The following FAM83G variants were observed in gnomAD, a reference collection of about 807,000 sequenced individuals.
The protein encoded by FAM83G is scaffolding CK1 anchoring protein G.
FAM83G carries 38 observed loss-of-function variants against 61.5 expected under a neutral mutation model. That is an observed-to-expected ratio of 0.62 (90% confidence interval 0.48 to 0.81). The LOEUF is 0.81. FAM83G is among the 30% of genes least tolerant of loss of function. The pLI is 0.00. For missense variants in FAM83G, 989 were observed against 1,133.6 expected, an observed-to-expected ratio of 0.87 and a Z score of 1.83; for synonymous variants, 470 against 476.1, an observed-to-expected ratio of 0.99 and a Z score of 0.17.
At position 18,976,882 on chromosome 17, in the gene FAM83G, G is replaced by A. The variant is rs755766055; in HGVS notation, c.2082+702C>T. The A allele has an allele frequency of 5.6e-6, 9 of 1,613,444 alleles. No homozygotes were observed. The highest frequency in any genetic ancestry group is 2.2e-5 in the East Asian group (1 of 44,876). ...ATCGTGCAGCGATCACTGTCAGCCC[G>A]GGACCTGAACCATGCCAAGGCGGGC... On this transcript the variant is annotated intron_variant, in intron 5 of 5. Transcript: ENST00000388995.
chr17:18,971,474 G>A lies in FAM83G; in HGVS notation c.2357C>T (p.Pro786Leu), dbSNP rs1329367876. 6.2e-7 allele frequency: 1 copy of A among 1,614,038 alleles called. No homozygotes were observed. ...CTTCGACTGAGACAGTTTGGAGTAT[G>A]GGATTCCGAAGGGACTCGGATGCTC... Reference protein sequence around the residue: ...TEEHPSPFGIPYSKLSQSKHL... With the variant: ...TEEHPSPFGILYSKLSQSKHL... The change falls in exon 6 of 6, where the codon CCA becomes CTA. Residue 786 changes from proline (P) to leucine (L), a missense_variant. This residue lies in a region of FAM83G where 574 missense variants were observed against 645.1 expected (regional missense o/e 0.89). Coordinates refer to ENST00000388995, the MANE Select transcript of FAM83G (RefSeq NM_001039999.3). The surrounding 1 kb of genome is among the most constrained non-coding windows in gnomAD (Gnocchi z 5.5).
chr17:19,002,550 C>T (rs1422155540), intron 2 of FAM83G, among the ~76,000 whole-genome samples: 2 of 152,256 alleles, frequency 1.3e-5, no homozygotes, highest in Non-Finnish European at 2.9e-5. Flanking sequence ...CTAGGAACAC[C>T]TCATCCCACA....
intron 3 of FAM83G, among the ~76,000 whole-genome samples, 159 bp from the exon 4 acceptor site, chr17:18,979,832 G>A (rs528751987): frequency 6.6e-6 from 1 of 152,266 alleles, no homozygotes; most frequent in East Asian, 1.9e-4. Context: ...GGTGTGTCTG[G>A]GACTGCAGGG....
chr17:18,969,649 C>T lies in FAM83G; in HGVS notation c.*1710G>A, dbSNP rs2042789643. ...ACCCACCCTGCTGCCCCGCTGTTAC[C>T]AGCTCTGGCCCTGGCAAGGAGCTGA... On this transcript the variant is annotated 3_prime_UTR_variant, in exon 6 of 6. Transcript: ENST00000388995. The T allele has an allele frequency of 4.2e-6, 2 of 480,742 alleles. No homozygotes were observed. The highest frequency in any genetic ancestry group is 7.3e-6 in the Non-Finnish European group (2 of 272,796). The allele number at this position is 480,742 out of a possible 1,614,324, so 29.8% of individuals were successfully genotyped here.
At chr17:19,002,163 C>T (rs1266626213) in intron 2 of FAM83G, among the ~76,000 whole-genome samples, 3 of 152,216 alleles carry the variant, frequency 2.0e-5, no homozygotes, top group South Asian at 2.1e-4. Flanking sequence ...TTTTGTCACC[C>T]GATATTCCAT....
rs1344307264 is a variant in FAM83G, at chr17:18,970,503, T to C, written c.*856A>G. 7.0e-5 allele frequency: 12 copies of C among 172,220 alleles called. No homozygotes were observed. The highest frequency in any genetic ancestry group is 1.3e-5 in the Non-Finnish European group (1 of 79,204). The allele number at this position is 172,220 out of a possible 1,614,324, so 10.7% of individuals were successfully genotyped here. On this transcript the variant is annotated 3_prime_UTR_variant, in exon 6 of 6. Transcript: ENST00000388995. ...GGTCTTGGTGGAGGCCCCATCCCTC[T>C]CTGGACCTGTCTCCCTCTTCTCTGT...
Position 18,969,395 on chromosome 17 carries a change from G to T in FAM83G, c.*1964C>A, listed in dbSNP as rs564076607. ...CGCCCTGCAGACGCTCATCATGGTG[G>T]TGGGGGCTGTCATCCTGACAATCAA... On this transcript the variant is annotated 3_prime_UTR_variant, in exon 6 of 6. Coordinates refer to ENST00000388995, the MANE Select transcript of FAM83G (RefSeq NM_001039999.3). 5 of 1,613,830 alleles carry T rather than the reference G, an allele frequency of 3.1e-6. No homozygotes were observed. In the South Asian group the frequency reaches 5.5e-5, roughly 18 times the overall value.
In FAM83G at chr17:19,000,313, A is replaced by G. The variant is rs1360204529; in HGVS notation, c.522+3207T>C. Among the ~76,000 whole-genome samples the G allele has an allele frequency of 6.6e-6, 1 of 152,180 alleles. No individual in the cohort carries two copies. The highest frequency in any genetic ancestry group is 1.5e-5 in the Non-Finnish European group (1 of 68,014). On this transcript the variant is annotated intron_variant, in intron 2 of 5. Transcript: ENST00000388995. This position sits in a 1 kb window ranked among gnomAD's most constrained non-coding sequence, Gnocchi z 5.2. Reference sequence around the variant, plus strand: ...GGGGAGTCTAGGATCACAGGGCAGCAAGGTGTCAGGGCTGAAGGGGCCCCT... The same window carrying G: ...GGGGAGTCTAGGATCACAGGGCAGCGAGGTGTCAGGGCTGAAGGGGCCCCT...
At chr17:18,987,891 T>C (rs1173050738) in intron 3 of FAM83G, among the ~76,000 whole-genome samples, 8 of 152,216 alleles carry the variant, frequency 5.3e-5, no homozygotes. Flanking sequence ...ACGAGCTACC[T>C]GAGGAGGCAG....
At position 18,969,370 on chromosome 17, in the gene FAM83G, C is replaced by T. The variant is rs200235814; in HGVS notation, c.*1989G>A. 5.8e-5 allele frequency: 94 copies of T among 1,613,594 alleles called. No homozygotes were observed. Among genetic ancestry groups the T allele is most frequent in the South Asian group, 1.1e-4 (10 of 91,086 alleles). On this transcript the variant is annotated 3_prime_UTR_variant, in exon 6 of 6. Coordinates refer to ENST00000388995, the MANE Select transcript of FAM83G (RefSeq NM_001039999.3). ...GCCTGGCTGCTGTAATCTACACGGA[C>T]GCCCTGCAGACGCTCATCATGGTGG...
rs916823 is a variant in FAM83G at position 18,971,407 on chromosome 17, C to A, written c.2424G>T (p.Ser808=). The change falls in exon 6 of 6, where the codon TCG becomes TCT. Residue 808 remains serine (S), a synonymous_variant. Transcript: ENST00000388995. The surrounding 1 kb of genome is among the most constrained non-coding windows in gnomAD (Gnocchi z 5.5). ...ARTGGSQWAS[S]DSKRRAQAPR... ...GGGCTTGAGCCCTCCGTTTAGAATC[C>A]GATGAGGCCCACTGGCTACCGCCCG... The A allele has an allele frequency of 1.2e-5, 20 of 1,613,516 alleles. No homozygotes were observed. The highest frequency in any genetic ancestry group is 3.3e-5 in the South Asian group (3 of 91,082).
Position 19,003,145 on chromosome 17 carries a change from G to C in FAM83G, c.522+375C>G, listed in dbSNP as rs1172299159. On this transcript the variant is annotated intron_variant, in intron 2 of 5. Transcript: ENST00000388995. The surrounding 1 kb of genome is among the most constrained non-coding windows in gnomAD (Gnocchi z 4.5). The stretch of plus-strand genomic sequence containing the variant: ...CCCCACCAGAGAGCTCATGGTGTGT[G>C]CGCGCCTTTACAGTGAATCAGAGCC... 6.6e-6 allele frequency among the ~76,000 whole-genome samples: 1 copy of C among 151,424 alleles called. No individual in the cohort carries two copies. The highest frequency in any genetic ancestry group is 1.5e-5 in the Non-Finnish European group (1 of 67,912).
At chr17:18,979,403 G>A (rs2043072392) in intron 4 of FAM83G, 146 bp downstream of exon 4, 1 of 947,572 alleles carries the variant, frequency 1.1e-6, no homozygotes, top group Non-Finnish European at 1.5e-6. Context: ...GAGACAGACA[G>A]GCGGGCAGAT....
chr17:18,998,475 T>A (rs1434488395), intron 2 of FAM83G, among the ~76,000 whole-genome samples: 1 of 152,178 alleles, frequency 6.6e-6, no homozygotes, highest in East Asian at 1.9e-4. Context: ...TGTAACCTTA[T>A]GAAGGCCCCA....
chr17:18,993,972 A>G (rs1373932956), intron 2 of FAM83G, among the ~76,000 whole-genome samples: 2 of 151,984 alleles, frequency 1.3e-5, no homozygotes, highest in African/African-American at 4.8e-5. Context: ...CCTCCCACCA[A>G]CCCAAGTCCC....
chr17:18,971,503 G>A lies in FAM83G; in HGVS notation c.2328C>T (p.Thr776=), dbSNP rs1474188835. The A allele has an allele frequency of 2.5e-6, 4 of 1,614,016 alleles. No individual in the cohort carries two copies. The highest frequency in any genetic ancestry group is 3.4e-6 in the Non-Finnish European group (4 of 1,180,040). The part of the protein sequence containing the change: ...NARPMTDGRA[T]EEHPSPFGIP... ...TTCCGAAGGGACTCGGATGCTCCTC[G>A]GTGGCCCTGCCATCGGTCATGGGGC... is the stretch of plus-strand genomic sequence containing the variant. The change falls in exon 6 of 6, where the codon ACC becomes ACT. Residue 776 remains threonine, a synonymous_variant. Transcript: ENST00000388995. This position sits in a 1 kb window ranked among gnomAD's most constrained non-coding sequence, Gnocchi z 5.5.
In FAM83G at chr17:19,004,011, C is replaced by T. The variant is rs753502256; in HGVS notation, c.31G>A (p.Asp11Asn). Reference sequence around the variant, plus strand: ...CTGGAGCGCCAGTTCACATGGTTGTCGTCCAGACACTGCACCTGAGAGAAG... The same window carrying T: ...CTGGAGCGCCAGTTCACATGGTTGTTGTCCAGACACTGCACCTGAGAGAAG... MAFSQVQCLDDNHVNWRSSES... is the reference protein window; with the variant it reads MAFSQVQCLDNNHVNWRSSES... Residue 11 changes from aspartate (D) to asparagine (N), a missense_variant, in exon 2 of 6, where the codon GAC becomes AAC. By Grantham distance (23) the Asp-to-Asn change is conservative (BLOSUM62 1). Around this residue, in one of 3 missense-constraint regions of FAM83G, gnomAD observed 371 missense variants for 404.5 expected, o/e 0.92. Coordinates refer to ENST00000388995, the MANE Select transcript of FAM83G (RefSeq NM_001039999.3). This position sits in a 1 kb window ranked among gnomAD's most constrained non-coding sequence, Gnocchi z 5.4. 1.2e-5 allele frequency: 20 copies of T among 1,608,512 alleles called. 1 individual carries two copies. The highest frequency in any genetic ancestry group is 1.7e-4 in the Middle Eastern group (1 of 6,008).
Position 19,001,805 on chromosome 17 carries a change from G to A in FAM83G, c.522+1715C>T, listed in dbSNP as rs117564298. Among the ~76,000 whole-genome samples the A allele has an allele frequency of 7.3e-3, 1,105 of 152,300 alleles. 13 individuals carry two copies. Among genetic ancestry groups the A allele is most frequent in the Non-Finnish European group, 0.012 (822 of 68,008 alleles). ...CTATCTGGCCCATCGCTGGGCGGGG[G>A]ATCTGTCTGTCTGCAGACCCTCTGG... On this transcript the variant is annotated intron_variant, in intron 2 of 5. Coordinates refer to ENST00000388995, the MANE Select transcript of FAM83G (RefSeq NM_001039999.3).
chr17:18,992,605 C>T (rs1050386493), intron 2 of FAM83G, among the ~76,000 whole-genome samples: 2 of 152,192 alleles, frequency 1.3e-5, no homozygotes, highest in African/African-American at 2.4e-5. Context: ...CAGCCAGAGC[C>T]CCCTGAGCAA....
Sources: allele counts gnomAD v4.1 joint callset (sites outside exome capture counted in the v4.1 genomes callset), GRCh38; gene constraint gnomAD v4.1.1; regional missense constraint gnomAD v4.1.1; non-coding constraint Gnocchi (gnomAD v3.1); transcripts MANE v1.5; gene names NCBI Gene and HGNC (gene_info 2026-07-23, HGNC 2026-07-21).